Variants in EYS observed in about 807,000 individuals in gnomAD.
EYS encodes EGF-like photoreceptor maintenance factor.
EYS carries 250 observed loss-of-function variants against 282.1 expected under a neutral mutation model. The observed-to-expected ratio is 0.89, with a 90% CI of 0.80 to 0.98. The LOEUF (loss-of-function observed/expected upper bound fraction) is 0.98, where lower values mean the gene tolerates loss of function less well. Ranked by LOEUF, EYS falls within the 50% of genes least tolerant of loss-of-function variation. EYS has a pLI of 0.00. For synonymous variants in EYS, 1,355 were observed against 1,282.9 expected (o/e 1.06, Z -1.20); for missense variants, 4,016 against 3,709.0 (o/e 1.08, Z -2.15).
At chr6:63,878,414 C>A (rs1305470684) in intron 35 of EYS, among the ~76,000 whole-genome samples, 1 of 152,182 alleles carries the variant, frequency 6.6e-6, no homozygotes, top group Non-Finnish European at 1.5e-5. Flanking sequence ...AGTTAGGCTA[C>A]TCGGGGGTCC....
chr6:64,210,123 T>C (rs1765715815), intron 31 of EYS, among the ~76,000 whole-genome samples: 1 of 152,208 alleles, frequency 6.6e-6, no homozygotes, highest in African/African-American at 2.4e-5. Context: ...CTCTGATTTA[T>C]TTTCTTTCTT....
In EYS at chr6:65,465,116, C is replaced by A. The variant is rs540769157; in HGVS notation, c.862+25478G>T. Among the ~76,000 whole-genome samples the A allele has an allele frequency of 3.3e-5, 5 of 152,076 alleles. No homozygotes were observed. The South Asian group carries it at 1.0e-3, about 32-fold the overall frequency. Reference sequence around the variant, plus strand: ...ACCTTTTGCCATATTCAAGAACATACAATGTCTATAAAATGAAAAGAGAAG... The same window carrying A: ...ACCTTTTGCCATATTCAAGAACATAAAATGTCTATAAAATGAAAAGAGAAG... On this transcript the variant is annotated intron_variant, in intron 5 of 42. Coordinates refer to ENST00000503581, the MANE Select transcript of EYS (RefSeq NM_001142800.2).
chr6:64,471,333 T>C (rs529547346), intron 26 of EYS, among the ~76,000 whole-genome samples: 2 of 152,152 alleles, frequency 1.3e-5, no homozygotes, highest in East Asian at 1.9e-4. Context: ...TAATCCTATG[T>C]AGAGAAAAGC....
chr6:65,499,356 A>G (rs1766367488), intron 2 of EYS, among the ~76,000 whole-genome samples: 1 of 152,006 alleles, frequency 6.6e-6, no homozygotes, highest in African/African-American at 2.4e-5. Flanking sequence ...TCAATTAAAG[A>G]TAGTTGAGTA....
At position 64,312,347 on chromosome 6, in the gene EYS, A is replaced by C. The variant is rs9444718; in HGVS notation, c.6079-5265T>G. 8.2e-3 allele frequency among the ~76,000 whole-genome samples: 1,249 copies of C among 152,284 alleles called. 16 individuals are homozygous for C. The highest frequency in any genetic ancestry group is 0.028 in the African/African-American group (1,144 of 41,546). The stretch of plus-strand genomic sequence containing the variant: ...ATCTCTAGATTCCTCCTCTCTGGGC[A>C]GGGCATCTCTGAACAAATGGTATCA... On this transcript the variant is annotated intron_variant, in intron 29 of 42. Coordinates refer to ENST00000503581, the MANE Select transcript of EYS (RefSeq NM_001142800.2).
chr6:65,698,201 T>C (rs1769527223), intron 1 of EYS, among the ~76,000 whole-genome samples: 1 of 152,182 alleles, frequency 6.6e-6, no homozygotes, highest in Non-Finnish European at 1.5e-5. Flanking sequence ...CTGACACAAA[T>C]AAATATTTAT....
intron 12 of EYS, among the ~76,000 whole-genome samples, chr6:65,248,715 A>G (rs1439943393): frequency 6.6e-6 from 1 of 152,082 alleles, no homozygotes; most frequent in African/African-American, 2.4e-5. Flanking sequence ...AATTAGGGTG[A>G]CGTATATTCA....
In EYS at chr6:64,640,400, A is replaced by G. The variant is rs533536325; in HGVS notation, c.3444-14155T>C. On this transcript the variant is annotated intron_variant, in intron 22 of 42. Transcript: ENST00000503581. ...AATACTATATACAGCCATAAAAATGATGAGTTCATGTCCTTTGTAGAGACA... is the reference window on the plus strand; with the variant it reads ...AATACTATATACAGCCATAAAAATGGTGAGTTCATGTCCTTTGTAGAGACA... Among the ~76,000 whole-genome samples, 111 of 152,336 alleles carry G rather than the reference A, an allele frequency of 7.3e-4. 2 individuals are homozygous for G. Among genetic ancestry groups the G allele is most frequent in the African/African-American group, 2.6e-3 (107 of 41,574 alleles).
At chr6:63,838,360 G>T (rs541602163) in intron 36 of EYS, among the ~76,000 whole-genome samples, 1 of 152,192 alleles carries the variant, frequency 6.6e-6, no homozygotes, top group South Asian at 2.1e-4. Context: ...GCTGGATTTT[G>T]TTAAACGTTT....
At chr6:64,276,028 T>A (rs1354446125) in intron 30 of EYS, among the ~76,000 whole-genome samples, 2 of 152,070 alleles carry the variant, frequency 1.3e-5, no homozygotes, top group African/African-American at 4.8e-5. Flanking sequence ...TATAGCTTCT[T>A]ATCTCTCTAA....
At chr6:63,750,967 G>T (rs949074194) in intron 41 of EYS, among the ~76,000 whole-genome samples, 9 of 152,072 alleles carry the variant, frequency 5.9e-5, no homozygotes, top group African/African-American at 2.2e-4. Flanking sequence ...CTAAAGCTCT[G>T]CAATATGCTT....
chr6:65,109,272 C>T (rs990573685), intron 12 of EYS, among the ~76,000 whole-genome samples: 5 of 151,808 alleles, frequency 3.3e-5, no homozygotes, highest in Non-Finnish European at 5.9e-5. Context: ...TGAACCTATG[C>T]TATGTGTTCT....
chr6:64,479,206 C>G (rs903941800), intron 26 of EYS, among the ~76,000 whole-genome samples: 3 of 151,998 alleles, frequency 2.0e-5, no homozygotes, highest in Middle Eastern at 3.4e-3. Context: ...AACATTATGG[C>G]TCTCATAAGC....
intron 22 of EYS, among the ~76,000 whole-genome samples, chr6:64,666,250 T>C (rs767228430): frequency 5.3e-5 from 8 of 152,116 alleles, no homozygotes; most frequent in Non-Finnish European, 1.2e-4. Flanking sequence ...AACTTAAAAA[T>C]AAAACAAAAC....
At chr6:64,546,620 C>T (rs935195875) in intron 26 of EYS, among the ~76,000 whole-genome samples, 4 of 152,178 alleles carry the variant, frequency 2.6e-5, no homozygotes, top group African/African-American at 9.7e-5. Flanking sequence ...GCAATCTACT[C>T]ATCTGACAAA....
intron 15 of EYS, 123 bp from the exon 16 acceptor site, chr6:64,912,866 A>C: frequency 4.0e-6 from 2 of 498,770 alleles, no homozygotes; most frequent in Non-Finnish European, 6.6e-6. Flanking sequence ...AGGACTAATA[A>C]ATAATACATA....
intron 9 of EYS, among the ~76,000 whole-genome samples, chr6:65,352,929 A>G (rs1268949016): frequency 2.0e-5 from 3 of 151,928 alleles, no homozygotes; most frequent in Non-Finnish European, 4.4e-5. Flanking sequence ...TACAAATACA[A>G]TTCCCTCAAC....
intron 21 of EYS, among the ~76,000 whole-genome samples, chr6:64,814,440 T>G (rs993986064): frequency 7.9e-5 from 12 of 152,042 alleles, no homozygotes; most frequent in Middle Eastern, 3.2e-3. Flanking sequence ...TTATCTTTCT[T>G]TCTTCTCCAC....
At chr6:65,351,581 A>G (rs1764275850) in intron 9 of EYS, among the ~76,000 whole-genome samples, 1 of 151,818 alleles carries the variant, frequency 6.6e-6, no homozygotes, top group South Asian at 2.1e-4. Flanking sequence ...CATTGTGAAT[A>G]TGTTCCCTGT....
Sources: gnomAD v4.1 joint callset for allele counts (sites outside exome capture counted in the v4.1 genomes callset) on GRCh38, gnomAD v4.1.1 for gene constraint, MANE v1.5 for transcripts, NCBI Gene and HGNC (gene_info 2026-07-23, HGNC 2026-07-21) for gene names.